OPCML: variants seen among roughly 807,000 people sequenced by gnomAD.
OPCML encodes the protein opioid-binding protein/cell adhesion molecule.
A neutral mutation model predicts 37.8 loss-of-function variants in OPCML; 13 were observed. The observed-to-expected ratio is 0.34, with a 90% CI of 0.22 to 0.55. OPCML has a LOEUF of 0.55. Among genes scored for constraint, OPCML ranks in the 20% least tolerant of loss-of-function variants. OPCML has a pLI of 0.91. For synonymous variants in OPCML, 176 were observed against 168.8 expected (o/e 1.04, Z -0.33); for missense variants, 341 against 435.6 (o/e 0.78, Z 1.93).
At chr11:132,677,237 A>C (rs1942749472) in intron 2 of OPCML, among the ~76,000 whole-genome samples, 1 of 152,150 alleles carries the variant, frequency 6.6e-6, no homozygotes, top group African/African-American at 2.4e-5. Flanking sequence ...ACTGATGAAC[A>C]AAATGAAAGA....
chr11:133,045,130 C>G (rs1245558882), intron 1 of OPCML, among the ~76,000 whole-genome samples: 2 of 152,206 alleles, frequency 1.3e-5, no homozygotes, highest in Admixed American at 1.3e-4. Flanking sequence ...CCCTGCCCCT[C>G]ACACATACCC....
chr11:133,089,918 G>C (rs1205364955), intron 1 of OPCML, among the ~76,000 whole-genome samples: 1 of 152,196 alleles, frequency 6.6e-6, no homozygotes, highest in African/African-American at 2.4e-5. Context: ...TAGGTGTTGG[G>C]AATAAAATGG....
intron 4 of OPCML, among the ~76,000 whole-genome samples, chr11:132,470,590 C>T (rs936615875): frequency 1.3e-5 from 2 of 152,166 alleles, no homozygotes; most frequent in African/African-American, 4.8e-5. Context: ...TGAGGAATAT[C>T]AGTAGCAATA....
rs1320181868 is a variant in OPCML at position 133,234,219 on chromosome 11, T to TA, written c.62-291210dup. Among the ~76,000 whole-genome samples the TA allele has an allele frequency of 5.4e-3, 762 of 142,120 alleles. 4 individuals carry two copies. The highest frequency in any genetic ancestry group is 0.018 in the African/African-American group (696 of 39,104). The allele number at this position is 142,120 out of a possible 152,430, so 93.2% of individuals were successfully genotyped here. On this transcript the variant is annotated intron_variant, in intron 1 of 7. Coordinates refer to ENST00000524381, the MANE Select transcript of OPCML (RefSeq NM_001012393.5). ...ATTTTTAAAATTTTGTTTTGTTTTCTAAAAAAAAAAGAAACAAAAAGCAAA... is the reference window on the plus strand; with the variant it reads ...ATTTTTAAAATTTTGTTTTGTTTTCTAAAAAAAAAAAGAAACAAAAAGCAAA...
intron 4 of OPCML, among the ~76,000 whole-genome samples, chr11:132,466,533 C>T (rs11223084): frequency 1.3e-4 from 19 of 151,150 alleles, no homozygotes; most frequent in African/African-American, 4.6e-4. Flanking sequence ...TTTGTTGGAA[C>T]GAAAAAACAG....
intron 1 of OPCML, among the ~76,000 whole-genome samples, chr11:133,209,889 C>A (rs1336815474): frequency 6.6e-6 from 1 of 152,194 alleles, no homozygotes; most frequent in Non-Finnish European, 1.5e-5. Context: ...TAATAAATAA[C>A]TTCCATAATG....
chr11:132,544,077 A>C (rs1489700940), intron 3 of OPCML, among the ~76,000 whole-genome samples: 2 of 152,146 alleles, frequency 1.3e-5, no homozygotes, highest in African/African-American at 4.8e-5. Flanking sequence ...AAAGCTTTTT[A>C]AATTACTGAG....
intron 1 of OPCML, among the ~76,000 whole-genome samples, chr11:132,993,533 G>A (rs1946821568): frequency 6.6e-6 from 1 of 152,126 alleles, no homozygotes; most frequent in South Asian, 2.1e-4. Context: ...AATGACACCA[G>A]GCAGGAAGGA....
chr11:133,431,390 T>C (rs12271595), intron 1 of OPCML, among the ~76,000 whole-genome samples: 3,031 of 152,292 alleles, frequency 0.02, 77 homozygotes, highest in East Asian at 0.13. Context: ...TACAAAATAT[T>C]ACTATTAAGT....
chr11:132,825,592 A>C (rs1363696076), intron 2 of OPCML, among the ~76,000 whole-genome samples: 1 of 152,192 alleles, frequency 6.6e-6, no homozygotes, highest in Non-Finnish European at 1.5e-5. Context: ...ACATTCAATA[A>C]ATGGCCTTTC....
chr11:133,419,262 G>A, intron 1 of OPCML: 2 of 985,386 alleles, frequency 2.0e-6, no homozygotes, highest in Non-Finnish European at 2.4e-6. Flanking sequence ...TATGAGTTTG[G>A]TTTTGAACAT....
intron 1 of OPCML, among the ~76,000 whole-genome samples, chr11:133,453,399 A>C (rs1243964383): frequency 6.6e-6 from 1 of 152,228 alleles, no homozygotes; most frequent in Non-Finnish European, 1.5e-5. Context: ...TGACGGAAGA[A>C]ATAAAAGCAT....
intron 3 of OPCML, among the ~76,000 whole-genome samples, chr11:132,577,453 G>GC (rs1339095101): frequency 6.6e-6 from 1 of 151,850 alleles, no homozygotes; most frequent in African/African-American, 2.4e-5. Flanking sequence ...ATATTTATAT[G>GC]CCCACACCTT....
intron 1 of OPCML, among the ~76,000 whole-genome samples, chr11:133,512,546 C>G (rs181306366): frequency 2.0e-4 from 31 of 152,304 alleles, no homozygotes; most frequent in African/African-American, 7.2e-4. Flanking sequence ...TGGTGATTAG[C>G]TCAACCTTCA....
intron 3 of OPCML, among the ~76,000 whole-genome samples, chr11:132,535,760 C>T (rs779839971): frequency 2.0e-5 from 3 of 152,108 alleles, no homozygotes; most frequent in Non-Finnish European, 4.4e-5. Flanking sequence ...CAGCTGGATG[C>T]CTGTGTGCAG....
Position 132,513,163 on chromosome 11 carries a change from A to G in OPCML, c.505+15898T>C, listed in dbSNP as rs2096272459. 2.0e-5 allele frequency among the ~76,000 whole-genome samples: 3 copies of G among 152,116 alleles called. No individual in the cohort carries two copies. In the South Asian group the frequency reaches 6.2e-4, roughly 31 times the overall value. On this transcript the variant is annotated intron_variant, in intron 4 of 7. Coordinates refer to ENST00000524381, the MANE Select transcript of OPCML (RefSeq NM_001012393.5). ...TGCTGCTTAATGAAGAAGTTAAGAG[A>G]AGAAGCCTATTTGGTTTATGTTAGA...
chr11:132,922,053 T>A (rs1397292686), intron 2 of OPCML, among the ~76,000 whole-genome samples: 1 of 151,980 alleles, frequency 6.6e-6, no homozygotes, highest in Non-Finnish European at 1.5e-5. Flanking sequence ...CTAATTTTTG[T>A]ATTTTTAGTA....
chr11:133,237,948 A>G (rs1258295602), intron 1 of OPCML, among the ~76,000 whole-genome samples: 1 of 152,244 alleles, frequency 6.6e-6, no homozygotes, highest in Non-Finnish European at 1.5e-5. Context: ...CGTTATTATT[A>G]CATGCTAGTC....
chr11:132,975,578 A>AAAAAAC, intron 1 of OPCML, among the ~76,000 whole-genome samples: 1 of 119,304 alleles, frequency 8.4e-6, no homozygotes, highest in Non-Finnish European at 1.7e-5. Flanking sequence ...AAAAAAAAAA[A>AAAAAAC]AAAAACAAGC....
Sources: allele counts gnomAD v4.1 joint callset (sites outside exome capture counted in the v4.1 genomes callset), GRCh38; gene constraint gnomAD v4.1.1; transcripts MANE v1.5; gene names NCBI Gene and HGNC (gene_info 2026-07-23, HGNC 2026-07-21).